The following HSPA12B variants were observed in gnomAD, a reference collection of about 807,000 sequenced individuals.
HSPA12B encodes heat shock 70 kDa protein 12B.
A neutral mutation model predicts 69.3 loss-of-function variants in HSPA12B; 54 were observed. That is an observed-to-expected ratio of 0.78 (90% confidence interval 0.63 to 0.98). The LOEUF is 0.98. Ranked by LOEUF, HSPA12B falls within the 50% of genes least tolerant of loss-of-function variation. The pLI is 0.00. For synonymous variants in HSPA12B, 441 were observed against 436.5 expected, an observed-to-expected ratio of 1.01 and a Z score of -0.13; for missense variants, 929 against 999.8, an observed-to-expected ratio of 0.93 and a Z score of 0.96.
rs1409005218 is a variant in HSPA12B at position 3,745,887 on chromosome 20, T to A, written c.559-28T>A. 6.3e-7 allele frequency: 1 copy of A among 1,598,000 alleles called. No homozygotes were observed. The highest frequency in any genetic ancestry group is 8.6e-7 in the Non-Finnish European group (1 of 1,165,274). On this transcript the variant is annotated intron_variant, in intron 6 of 12. Transcript: ENST00000254963. The surrounding 1 kb of genome is among the most constrained non-coding windows in gnomAD (Gnocchi z 5.6). The stretch of plus-strand genomic sequence containing the variant: ...AGACCACCCTCCCTCCAAGCCAGCT[T>A]TCCTCTCACTGCCCCCTCCTGTACC...
intron 12 of HSPA12B, 123 bp downstream of exon 12, chr20:3,751,030 T>C (rs1600332182): frequency 2.1e-6 from 2 of 930,338 alleles, no homozygotes; most frequent in Non-Finnish European, 3.4e-6. Context: ...CCTAGAATCA[T>C]CTAGAACACC....
intron 7 of HSPA12B, among the ~76,000 whole-genome samples, chr20:3,746,908 G>A (rs2088316877): frequency 6.6e-6 from 1 of 152,220 alleles, no homozygotes; most frequent in Non-Finnish European, 1.5e-5. Flanking sequence ...TAGCAGCTGT[G>A]AGCCAATAGC....
In HSPA12B at chr20:3,749,148, G is replaced by A. The variant is rs1374196949; in HGVS notation, c.851-84G>A. 1 of 1,204,288 alleles carries A rather than the reference G, an allele frequency of 8.3e-7. No individual in the cohort carries two copies. Among genetic ancestry groups the A allele is most frequent in the Non-Finnish European group, 1.2e-6 (1 of 841,404 alleles). 74.6% of individuals were successfully genotyped at this position (1,204,288 alleles called of 1,614,324 possible). A position where few individuals can be genotyped will look rare whatever the true frequency, so the allele number is the denominator to read the frequency against. On this transcript the variant is annotated intron_variant, in intron 8 of 12. Transcript: ENST00000254963. The surrounding 1 kb of genome is among the most constrained non-coding windows in gnomAD (Gnocchi z 5.5). ...CTGGCTGCTCCCAGTGCCCATGGAG[G>A]TCCTGGGCAGGAGGATGGGAGTTGA... is the stretch of plus-strand genomic sequence containing the variant.
In HSPA12B at chr20:3,749,971, G is replaced by T; in HGVS notation, c.1045G>T (p.Gly349Cys). Reference sequence around the variant, plus strand: ...CTTCGCCCCCTGCTCCACCCCAGGGGGCCCTTATGGCGCGGTGGGCGTGGA... The same window carrying T: ...CTTCGCCCCCTGCTCCACCCCAGGGTGCCCTTATGGCGCGGTGGGCGTGGA... The part of the protein sequence containing the change: ...TLKELYKASG[G>C]PYGAVGVDLA... The change falls in exon 11 of 13, where the codon GGC becomes TGC. Residue 349 changes from glycine to cysteine, a missense_variant and splice_region_variant. By Grantham distance (159) the Gly-to-Cys change is radical. Coordinates refer to ENST00000254963, the MANE Select transcript of HSPA12B (RefSeq NM_052970.5). This position sits in a 1 kb window ranked among gnomAD's most constrained non-coding sequence, Gnocchi z 5.5. The T allele has an allele frequency of 6.4e-7, 1 of 1,563,696 alleles. No homozygotes were observed.
At chr20:3,747,136 G>A (rs2088321179) in intron 7 of HSPA12B, among the ~76,000 whole-genome samples, 1 of 152,124 alleles carries the variant, frequency 6.6e-6, no homozygotes, top group Non-Finnish European at 1.5e-5. Context: ...GGGGGCTCCC[G>A]TGGAGACAGA....
Position 3,745,204 on chromosome 20 carries a change from TGA to T in HSPA12B, c.453+120_453+121del. 1 of 974,606 alleles carries T rather than the reference TGA, an allele frequency of 1.0e-6. No homozygotes were observed. The highest frequency in any genetic ancestry group is 1.5e-6 in the Non-Finnish European group (1 of 653,652). The allele number at this position is 974,606 out of a possible 1,614,324, so 60.4% of individuals were successfully genotyped here. ...AGGACCGGCCCGATGGAGTCGTGGC[TGA>T]GAGGGGGCGGGGCTAAAGGGAGACG... On this transcript the variant is annotated intron_variant, in intron 5 of 12. Transcript: ENST00000254963. This position sits in a 1 kb window ranked among gnomAD's most constrained non-coding sequence, Gnocchi z 5.6.
intron 12 of HSPA12B, chr20:3,751,307 G>A (rs1015322311): frequency 2.0e-6 from 2 of 985,316 alleles, no homozygotes; most frequent in South Asian, 4.7e-5. Flanking sequence ...AGTGGGGAGC[G>A]TGAGTGTTGG....
In HSPA12B at chr20:3,745,512, A is replaced by C; in HGVS notation, c.473A>C (p.Gln158Pro). Reference sequence around the variant, plus strand: ...TGCCAGGATCTCACCTTGAAGACCCAGCTAGAGGCAGTAAATGGAAAGACG... The same window carrying C: ...TGCCAGGATCTCACCTTGAAGACCCCGCTAGAGGCAGTAAATGGAAAGACG... The part of the protein sequence containing the change: ...HSATDLTLKT[Q>P]LEAVNGKTMP... The change falls in exon 6 of 13, where the codon CAG becomes CCG. Residue 158 changes from glutamine (Q) to proline (P), a missense_variant. Coordinates refer to ENST00000254963, the MANE Select transcript of HSPA12B (RefSeq NM_052970.5). This position sits in a 1 kb window ranked among gnomAD's most constrained non-coding sequence, Gnocchi z 5.6. 1 of 1,614,150 alleles carries C rather than the reference A, an allele frequency of 6.2e-7. No individual in the cohort carries two copies. The highest frequency in any genetic ancestry group is 8.5e-7 in the Non-Finnish European group (1 of 1,180,002).
Position 3,746,451 on chromosome 20 carries a change from C to T in HSPA12B, c.675+420C>T, listed in dbSNP as rs1220338528. Among the ~76,000 whole-genome samples, 6 of 151,938 alleles carry T rather than the reference C, an allele frequency of 3.9e-5. No homozygotes were observed. The East Asian group carries it at 5.8e-4, about 15-fold the overall frequency. Reference sequence around the variant, plus strand: ...CCGAGTAGCTGGGACTACAGGTGCCCGCCACCACGCCCGGCTAATTTTTTG... The same window carrying T: ...CCGAGTAGCTGGGACTACAGGTGCCTGCCACCACGCCCGGCTAATTTTTTG... On this transcript the variant is annotated intron_variant, in intron 7 of 12. Transcript: ENST00000254963.
Position 3,750,119 on chromosome 20 carries a change from C to T in HSPA12B, c.1193C>T (p.Ala398Val). 6.2e-7 allele frequency: 1 copy of T among 1,612,244 alleles called. No homozygotes were observed. Among genetic ancestry groups the T allele is most frequent in the South Asian group, 1.1e-5 (1 of 90,968 alleles). The stretch of plus-strand genomic sequence containing the variant: ...GCCTTCGAGGCTCGCAAGCGCACTG[C>T]TGGCCCACACCGTGCAGGGGCGCTC... ...TIAFEARKRT[A>V]GPHRAGALNI... is the part of the protein sequence containing the mutation. The change falls in exon 11 of 13, where the codon GCT becomes GTT. Residue 398 changes from alanine to valine, a missense_variant. By Grantham distance (64) the Ala-to-Val change is moderately conservative. This residue lies in a region of HSPA12B where 448 missense variants were observed against 448.1 expected (regional missense o/e 1.00). Coordinates refer to ENST00000254963, the MANE Select transcript of HSPA12B (RefSeq NM_052970.5).
Position 3,750,084 on chromosome 20 carries a change from T to C in HSPA12B, c.1158T>C (p.Asp386=), listed in dbSNP as rs766795451. 1 of 1,612,324 alleles carries C rather than the reference T, an allele frequency of 6.2e-7. No homozygotes were observed. Residue 386 remains aspartate, a synonymous_variant, in exon 11 of 13, where the codon GAT becomes GAC. Coordinates refer to ENST00000254963, the MANE Select transcript of HSPA12B (RefSeq NM_052970.5). ...GGCAACGGCCGGCAGCCTGGGTAGATCTGACCATCGCCTTCGAGGCTCGCA... is the reference window on the plus strand; with the variant it reads ...GGCAACGGCCGGCAGCCTGGGTAGACCTGACCATCGCCTTCGAGGCTCGCA... The part of the protein sequence containing the change: ...FKRQRPAAWV[D]LTIAFEARKR...
At position 3,746,000 on chromosome 20, in the gene HSPA12B, C is replaced by G. The variant is rs376256245; in HGVS notation, c.644C>G (p.Ala215Gly). 7 of 1,613,922 alleles carry G rather than the reference C, an allele frequency of 4.3e-6. No individual in the cohort carries two copies. The highest frequency in any genetic ancestry group is 5.9e-6 in the Non-Finnish European group (7 of 1,179,934). Reference protein sequence around the residue: ...LTVPAIWKQPAKQFMREAAYL... With the variant: ...LTVPAIWKQPGKQFMREAAYL... ...GTGCCTGCCATCTGGAAACAGCCAG[C>G]CAAGCAGTTCATGCGGGAGGCTGCC... The change falls in exon 7 of 13, where the codon GCC (alanine) becomes GGC (glycine). Residue 215 changes from alanine (A) to glycine (G), a missense_variant. Around this residue, in one of 3 missense-constraint regions of HSPA12B, gnomAD observed 477 missense variants for 535.2 expected, o/e 0.89. Transcript: ENST00000254963. This position sits in a 1 kb window ranked among gnomAD's most constrained non-coding sequence, Gnocchi z 5.6.
Position 3,749,887 on chromosome 20 carries a change from G to A in HSPA12B, c.1042+33G>A, listed in dbSNP as rs1447097186. On this transcript the variant is annotated intron_variant, in intron 10 of 12. Transcript: ENST00000254963. This position sits in a 1 kb window ranked among gnomAD's most constrained non-coding sequence, Gnocchi z 5.5. ...GCCAGGCGGCGCCCCGGTACCCAGC[G>A]CGACCCGGGCTCCGGCCCCGCCACT... The A allele has an allele frequency of 6.5e-7, 1 of 1,549,946 alleles. No individual in the cohort carries two copies. The highest frequency in any genetic ancestry group is 2.4e-5 in the East Asian group (1 of 42,404).
Position 3,740,162 on chromosome 20 carries a change from G to A in HSPA12B, c.44-653G>A, listed in dbSNP as rs1217113272. ...AGGGTGTGTGTATGTGTGTGTGTGG[G>A]GGGTGGGAATCAGACTTCCTAATGT... On this transcript the variant is annotated intron_variant, in intron 2 of 12. Coordinates refer to ENST00000254963, the MANE Select transcript of HSPA12B (RefSeq NM_052970.5). This position sits in a 1 kb window ranked among gnomAD's most constrained non-coding sequence, Gnocchi z 4.9. 6.6e-6 allele frequency among the ~76,000 whole-genome samples: 1 copy of A among 152,074 alleles called. No homozygotes were observed. Among genetic ancestry groups the A allele is most frequent in the African/African-American group, 2.4e-5 (1 of 41,378 alleles).
Position 3,738,699 on chromosome 20 carries a change from C to T in HSPA12B, c.25C>T (p.Leu9=). Residue 9 remains leucine (L), a synonymous_variant, in exon 2 of 13, where the codon CTG becomes TTG. Coordinates refer to ENST00000254963, the MANE Select transcript of HSPA12B (RefSeq NM_052970.5). MLAVPEMG[L]QGLYIGSSPE... is the part of the protein sequence containing the mutation. ...GATGTTGGCTGTCCCGGAGATGGGC[C>T]TGCAGGGGCTGTACATCGGTAAGAA... The T allele has an allele frequency of 6.2e-7, 1 of 1,614,178 alleles. No individual in the cohort carries two copies. The highest frequency in any genetic ancestry group is 1.1e-5 in the South Asian group (1 of 91,082).
chr20:3,749,838 G>T lies in HSPA12B; in HGVS notation c.1026G>T (p.Glu342Asp). 6.2e-7 allele frequency: 1 copy of T among 1,606,972 alleles called. No homozygotes were observed. Among genetic ancestry groups the T allele is most frequent in the Admixed American group, 1.7e-5 (1 of 59,510 alleles). ...AGCAGCCCCATGGCACCCTCAAGGA[G>T]CTCTACAAGGCATCTGGTGAGTAGC... ...QLEQPHGTLK[E>D]LYKASGGPYG... The change falls in exon 10 of 13, where the codon GAG becomes GAT. Residue 342 changes from glutamate to aspartate, a missense_variant. Physicochemically the swap from Glu to Asp is conservative, Grantham distance 45. Around this residue, in one of 3 missense-constraint regions of HSPA12B, gnomAD observed 477 missense variants for 535.2 expected, o/e 0.89. Transcript: ENST00000254963. This position sits in a 1 kb window ranked among gnomAD's most constrained non-coding sequence, Gnocchi z 5.5.
In HSPA12B at chr20:3,752,295, C is replaced by G; in HGVS notation, c.*129C>G. The stretch of plus-strand genomic sequence containing the variant: ...CTGCGCCTTTCCACGCCCTCCAGCC[C>G]CGGGGGAGATAAGGTCATGGGAGAG... On this transcript the variant is annotated 3_prime_UTR_variant, in exon 13 of 13. Transcript: ENST00000254963. The G allele has an allele frequency of 1.1e-6, 1 of 916,070 alleles. No homozygotes were observed. The highest frequency in any genetic ancestry group is 2.1e-5 in the South Asian group (1 of 46,600). 56.7% of individuals were successfully genotyped at this position (916,070 alleles called of 1,614,324 possible).
At position 3,749,346 on chromosome 20, in the gene HSPA12B, TCCTTGGC is replaced by T. The variant is rs756160246; in HGVS notation, c.937+31_937+37del. 6.3e-7 allele frequency: 1 copy of T among 1,593,766 alleles called. No homozygotes were observed. Among genetic ancestry groups the T allele is most frequent in the Non-Finnish European group, 8.6e-7 (1 of 1,164,190 alleles). On this transcript the variant is annotated intron_variant, in intron 9 of 12. Transcript: ENST00000254963. The surrounding 1 kb of genome is among the most constrained non-coding windows in gnomAD (Gnocchi z 5.5). ...AGGGGGAAAGGGGGACGGAGTGTTATCCTTGGCCCCTACCGGGCACCATATACTGATG... is the reference window on the plus strand; with the variant it reads ...AGGGGGAAAGGGGGACGGAGTGTTATCCCTACCGGGCACCATATACTGATG...
Position 3,749,793 on chromosome 20 carries a change from C to T in HSPA12B, c.981C>T (p.Asp327=). 1 of 1,607,694 alleles carries T rather than the reference C, an allele frequency of 6.2e-7. No individual in the cohort carries two copies. Among genetic ancestry groups the T allele is most frequent in the Non-Finnish European group, 8.5e-7 (1 of 1,178,426 alleles). ...CCGACTGCGGCGGAGGCACCGTGGACCTGACGGTGCACCAGCTGGAGCAGC... is the reference window on the plus strand; with the variant it reads ...CCGACTGCGGCGGAGGCACCGTGGATCTGACGGTGCACCAGCTGGAGCAGC... ...VVADCGGGTV[D]LTVHQLEQPH... Residue 327 remains aspartate (D), a synonymous_variant, in exon 10 of 13, where the codon GAC becomes GAT. Coordinates refer to ENST00000254963, the MANE Select transcript of HSPA12B (RefSeq NM_052970.5). This position sits in a 1 kb window ranked among gnomAD's most constrained non-coding sequence, Gnocchi z 5.5.
Sources: gnomAD v4.1 joint callset for allele counts (sites outside exome capture counted in the v4.1 genomes callset) on GRCh38, gnomAD v4.1.1 for gene constraint, gnomAD v4.1.1 regional missense constraint, Gnocchi (gnomAD v3.1) non-coding constraint, MANE v1.5 for transcripts, NCBI Gene and HGNC (gene_info 2026-07-23, HGNC 2026-07-21) for gene names.